Variants in LRP1B observed in about 807,000 individuals in gnomAD.
LRP1B encodes LDL receptor related protein 1B, also known as low-density lipoprotein receptor-related protein 1B.
A neutral mutation model predicts 556.6 loss-of-function variants in LRP1B; 217 were observed. The ratio of observed to expected loss-of-function variants is 0.39; its 90% CI spans 0.35 to 0.44. The LOEUF (loss-of-function observed/expected upper bound fraction) is 0.44, where lower values mean the gene tolerates loss of function less well. Among genes scored for constraint, LRP1B ranks in the 20% least tolerant of loss-of-function variants. The pLI is 1.00. For synonymous variants in LRP1B, 2,047 were observed against 1,865.8 expected (o/e 1.10, Z -2.50); for missense variants, 5,053 against 5,620.8 (o/e 0.90, Z 3.23).
chr2:140,684,822 G>A (rs1297203246), intron 41 of LRP1B, among the ~76,000 whole-genome samples: 1 of 151,870 alleles, frequency 6.6e-6, no homozygotes, highest in African/African-American at 2.4e-5. Flanking sequence ...TTATAATCTG[G>A]GCCCAAGATG....
At chr2:140,514,997 A>C (rs1335046432) in intron 50 of LRP1B, among the ~76,000 whole-genome samples, 2 of 151,984 alleles carry the variant, frequency 1.3e-5, no homozygotes, top group Non-Finnish European at 2.9e-5. Context: ...CATGATTCTT[A>C]TAAGGCTTGC....
chr2:141,877,624 G>A (rs1053831555), intron 1 of LRP1B, among the ~76,000 whole-genome samples: 2 of 151,832 alleles, frequency 1.3e-5, no homozygotes, highest in African/African-American at 2.4e-5. Flanking sequence ...TTTTACTTTC[G>A]CAAATTTAAT....
At chr2:141,005,202 T>G in intron 15 of LRP1B, 133 bp downstream of exon 15, 2 of 1,019,372 alleles carry the variant, frequency 2.0e-6, no homozygotes, top group Non-Finnish European at 2.7e-6. Context: ...ATTTATAGTC[T>G]AAAAAGAATT....
rs75635762 is a variant in LRP1B, at chr2:140,566,805, A to G, written c.7195-24834T>C. On this transcript the variant is annotated intron_variant, in intron 43 of 90. Transcript: ENST00000389484. ...AAAACATACTGTACCCTGGTCAGCC[A>G]GAACCTCAACAGTGCCTAAGTTAAA... is the stretch of plus-strand genomic sequence containing the variant. Among the ~76,000 whole-genome samples the G allele has an allele frequency of 1.7e-3, 261 of 152,312 alleles. 3 individuals are homozygous for G. Among genetic ancestry groups the G allele is most frequent in the Admixed American group, 3.8e-3 (58 of 15,304 alleles).
In LRP1B at chr2:140,301,173, A is replaced by T. The variant is rs556228543; in HGVS notation, c.12806-3204T>A. Among the ~76,000 whole-genome samples the T allele has an allele frequency of 9.2e-5, 14 of 152,142 alleles. 1 individual carries two copies. In the South Asian group the frequency reaches 1.5e-3, roughly 16 times the overall value. On this transcript the variant is annotated intron_variant, in intron 83 of 90. Coordinates refer to ENST00000389484, the MANE Select transcript of LRP1B (RefSeq NM_018557.3). ...GTCTTTCTTCCCCCTTTAGCTTCTAAATATGCTCGATTCTACCTTTCTAAA... is the reference window on the plus strand; with the variant it reads ...GTCTTTCTTCCCCCTTTAGCTTCTATATATGCTCGATTCTACCTTTCTAAA...
intron 3 of LRP1B, among the ~76,000 whole-genome samples, chr2:141,438,293 G>A (rs1160867961): frequency 6.6e-6 from 1 of 152,046 alleles, no homozygotes; most frequent in Non-Finnish European, 1.5e-5. Flanking sequence ...GTGTGTGCAT[G>A]TGTGTAATGT....
At chr2:141,944,120 G>T (rs189757851) in intron 1 of LRP1B, among the ~76,000 whole-genome samples, 2 of 152,224 alleles carry the variant, frequency 1.3e-5, no homozygotes, top group Admixed American at 1.3e-4. Flanking sequence ...CTCATTAATG[G>T]CACTGAAAGT....
intron 7 of LRP1B, among the ~76,000 whole-genome samples, chr2:141,087,858 A>T (rs1482567634): frequency 7.2e-6 from 1 of 139,562 alleles, no homozygotes. Context: ...TGTGGATGAG[A>T]TGCTGAAGCC....
chr2:142,070,252 G>A (rs939565934), intron 1 of LRP1B, among the ~76,000 whole-genome samples: 6 of 151,662 alleles, frequency 4.0e-5, no homozygotes, highest in African/African-American at 1.5e-4. Flanking sequence ...AATATTTATT[G>A]GGCACCTACT....
chr2:141,567,326 A>T (rs1686368727), intron 2 of LRP1B, among the ~76,000 whole-genome samples: 1 of 152,180 alleles, frequency 6.6e-6, no homozygotes, highest in South Asian at 2.1e-4. Flanking sequence ...TGTTAAGGAA[A>T]GAAAACATTT....
At chr2:140,738,748 A>G (rs1254121504) in intron 35 of LRP1B, among the ~76,000 whole-genome samples, 1 of 152,074 alleles carries the variant, frequency 6.6e-6, no homozygotes, top group Non-Finnish European at 1.5e-5. Context: ...CGCCATCTTT[A>G]CTCACAGACA....
intron 7 of LRP1B, among the ~76,000 whole-genome samples, chr2:141,129,211 G>A (rs1701289536): frequency 6.6e-6 from 1 of 151,974 alleles, no homozygotes; most frequent in African/African-American, 2.4e-5. Context: ...AATAATTTCT[G>A]AACAAATGGA....
intron 15 of LRP1B, among the ~76,000 whole-genome samples, chr2:141,003,137 G>A (rs1247014980): frequency 6.6e-6 from 1 of 151,826 alleles, no homozygotes. Flanking sequence ...GTCATAAATG[G>A]TAACAGAAAC....
At chr2:140,262,979 A>AGT (rs1401358901) in intron 86 of LRP1B, among the ~76,000 whole-genome samples, 1 of 152,168 alleles carries the variant, frequency 6.6e-6, no homozygotes, top group Non-Finnish European at 1.5e-5. Flanking sequence ...GCTGAAATGC[A>AGT]GTGAAGCAAT....
At chr2:140,323,583 C>A (rs1481549545) in intron 81 of LRP1B, among the ~76,000 whole-genome samples, 1 of 151,276 alleles carries the variant, frequency 6.6e-6, no homozygotes. Context: ...TGCACATGTA[C>A]CCTAAAACTT....
At chr2:142,007,353 A>C (rs1263473451) in intron 1 of LRP1B, among the ~76,000 whole-genome samples, 1 of 152,152 alleles carries the variant, frequency 6.6e-6, no homozygotes, top group Non-Finnish European at 1.5e-5. Context: ...CTTTAGCTAA[A>C]ATTTAGTGTC....
chr2:141,725,286 C>G (rs984412815), intron 2 of LRP1B, among the ~76,000 whole-genome samples: 4 of 151,678 alleles, frequency 2.6e-5, no homozygotes, highest in Non-Finnish European at 5.9e-5. Flanking sequence ...ATAAATAAAC[C>G]TTTCAAAAAT....
rs576696155 is a variant in LRP1B, at chr2:141,996,299, G to A, written c.82+134349C>T. Reference sequence around the variant, plus strand: ...AAATCTCTAAGACCTAAAAGTAGCCGAATGACATAGGTGTGAATGAATCAA... The same window carrying A: ...AAATCTCTAAGACCTAAAAGTAGCCAAATGACATAGGTGTGAATGAATCAA... On this transcript the variant is annotated intron_variant, in intron 1 of 90. Coordinates refer to ENST00000389484, the MANE Select transcript of LRP1B (RefSeq NM_018557.3). 3.3e-5 allele frequency among the ~76,000 whole-genome samples: 5 copies of A among 151,866 alleles called. No individual in the cohort carries two copies. The South Asian group carries it at 6.3e-4, about 19-fold the overall frequency.
chr2:140,674,944 T>C (rs529178115), intron 41 of LRP1B, among the ~76,000 whole-genome samples: 1 of 152,338 alleles, frequency 6.6e-6, no homozygotes, highest in African/African-American at 2.4e-5. Context: ...AGTCTTACAA[T>C]CAAGATGTCA....
Sources: gnomAD v4.1 joint callset for allele counts (sites outside exome capture counted in the v4.1 genomes callset) on GRCh38, gnomAD v4.1.1 for gene constraint, MANE v1.5 for transcripts, NCBI Gene and HGNC (gene_info 2026-07-23, HGNC 2026-07-21) for gene names.